Variants in SYT14 observed in about 807,000 individuals in gnomAD.
SYT14 encodes the protein synaptotagmin 14, also known as synaptotagmin-14.
A neutral mutation model predicts 74.2 loss-of-function variants in SYT14; 32 were observed. The observed-to-expected ratio is 0.43, with a 90% CI of 0.33 to 0.58. The LOEUF is 0.58. Among genes scored for constraint, SYT14 ranks in the 20% least tolerant of loss-of-function variants. The pLI is 0.05. For synonymous variants in SYT14, 298 were observed against 337.7 expected, an observed-to-expected ratio of 0.88 and a Z score of 1.29; for missense variants, 791 against 981.8, an observed-to-expected ratio of 0.81 and a Z score of 2.60.
rs188947124 is a variant in SYT14 at position 210,006,998 on chromosome 1, A to G, written c.-485-6635A>G. On this transcript the variant is annotated intron_variant, in intron 2 of 9. Transcript: ENST00000637265. ...TTAAGTGAATTCTGCAATACTTTCA[A>G]AGTCGAAATGTATTTGCTCTTGCTT... is the stretch of plus-strand genomic sequence containing the variant. Among the ~76,000 whole-genome samples, 217 of 152,004 alleles carry G rather than the reference A, an allele frequency of 1.4e-3. 2 individuals carry two copies. The highest frequency in any genetic ancestry group is 5.1e-3 in the African/African-American group (210 of 41,536).
intron 1 of SYT14, among the ~76,000 whole-genome samples, chr1:209,947,105 T>A (rs1558085615): frequency 6.6e-6 from 1 of 152,216 alleles, no homozygotes; most frequent in African/African-American, 2.4e-5. Flanking sequence ...TTACTGCTCA[T>A]TGACAAGGCA....
chr1:210,013,839 C>G (rs375117282), intron 3 of SYT14, 42 bp downstream of exon 3: 1 of 1,586,950 alleles, frequency 6.3e-7, no homozygotes, highest in African/African-American at 1.4e-5. Flanking sequence ...TTCTTTTTAT[C>G]CGTACTATTA....
At chr1:209,965,995 C>CA (rs1310400277) in intron 2 of SYT14, 1 of 451,656 alleles carries the variant, frequency 2.2e-6, no homozygotes, top group African/African-American at 2.0e-5. Context: ...CTCAGCATCC[C>CA]AAGTAACTGG....
intron 1 of SYT14, among the ~76,000 whole-genome samples, chr1:209,943,931 A>G (rs375354705): frequency 1.3e-5 from 2 of 152,080 alleles, no homozygotes; most frequent in East Asian, 1.9e-4. Flanking sequence ...TTGATTTACC[A>G]TTTTTTTAGA....
At chr1:210,055,270 AGT>A (rs921182618) in intron 5 of SYT14, among the ~76,000 whole-genome samples, 2 of 152,216 alleles carry the variant, frequency 1.3e-5, no homozygotes, top group African/African-American at 4.8e-5. Context: ...CTAAAGAGTT[AGT>A]GTGAGGACTA....
intron 7 of SYT14, among the ~76,000 whole-genome samples, chr1:210,106,044 A>G (rs914240711): frequency 6.6e-6 from 1 of 152,212 alleles, no homozygotes; most frequent in Non-Finnish European, 1.5e-5. Context: ...TTTTAACAAC[A>G]TAAGAATGGC....
chr1:209,941,087 A>G (rs1264731393), intron 1 of SYT14, among the ~76,000 whole-genome samples: 3 of 152,166 alleles, frequency 2.0e-5, no homozygotes, highest in African/African-American at 7.2e-5. Flanking sequence ...CTTATTAGCT[A>G]TGGCCCAGTG....
chr1:210,120,784 G>A (rs1465020708), intron 7 of SYT14, among the ~76,000 whole-genome samples: 1 of 152,052 alleles, frequency 6.6e-6, no homozygotes, highest in Non-Finnish European at 1.5e-5. Flanking sequence ...CATATTAGAA[G>A]TACCTTTTTT....
intron 2 of SYT14, among the ~76,000 whole-genome samples, chr1:209,995,200 G>A (rs1011856920): frequency 1.3e-5 from 2 of 152,084 alleles, no homozygotes; most frequent in African/African-American, 4.8e-5. Context: ...AGAGTGGCAA[G>A]GTGGATAAAA....
chr1:210,070,770 G>C (rs940460869), intron 5 of SYT14, among the ~76,000 whole-genome samples: 2 of 152,038 alleles, frequency 1.3e-5, no homozygotes, highest in Non-Finnish European at 2.9e-5. Flanking sequence ...GTGTTTCTTG[G>C]TATAGGGTCG....
exon 10 of SYT14, chr1:210,164,302 C>A: frequency 1.2e-5 from 3 of 241,394 alleles, no homozygotes; most frequent in Non-Finnish European, 1.7e-5. Flanking sequence ...AAAAGAAAAC[C>A]CAATGAGAAA....
chr1:209,971,388 C>G (rs1174647147), intron 2 of SYT14, among the ~76,000 whole-genome samples: 1 of 151,856 alleles, frequency 6.6e-6, no homozygotes, highest in Non-Finnish European at 1.5e-5. Context: ...TTTCTCTTGC[C>G]TGATTGCTCT....
rs554405454 is a variant in SYT14 at position 210,075,072 on chromosome 1, G to A, written c.1313-19250G>A. 4.6e-5 allele frequency among the ~76,000 whole-genome samples: 7 copies of A among 152,322 alleles called. No individual in the cohort carries two copies. In the South Asian group the frequency reaches 1.2e-3, roughly 27 times the overall value. On this transcript the variant is annotated intron_variant, in intron 5 of 9. Transcript: ENST00000637265. ...CAGCAGATGGGATAGCCAGAAGGGA[G>A]ATGGTTTTCCCCTGGAGTCCGACCG...
chr1:210,020,359 T>G (rs774014929), intron 4 of SYT14, among the ~76,000 whole-genome samples: 1 of 152,204 alleles, frequency 6.6e-6, no homozygotes, highest in Admixed American at 6.5e-5. Context: ...ATATCTTTAT[T>G]CATCTGTTAA....
intron 2 of SYT14, among the ~76,000 whole-genome samples, chr1:209,958,872 T>G (rs1002842179): frequency 6.6e-6 from 1 of 152,180 alleles, no homozygotes; most frequent in Non-Finnish European, 1.5e-5. Flanking sequence ...TATAATCCTC[T>G]TCCAACTGCT....
At chr1:210,086,789 C>T (rs1425998418) in intron 5 of SYT14, among the ~76,000 whole-genome samples, 1 of 152,172 alleles carries the variant, frequency 6.6e-6, no homozygotes, top group Non-Finnish European at 1.5e-5. Context: ...CTAATAACTT[C>T]TATCTATGTA....
At chr1:210,050,037 A>G (rs1327910045) in intron 5 of SYT14, among the ~76,000 whole-genome samples, 1 of 152,072 alleles carries the variant, frequency 6.6e-6, no homozygotes. Context: ...GCAAATTTCT[A>G]CAGCTGGTTT....
intron 2 of SYT14, among the ~76,000 whole-genome samples, chr1:209,987,604 A>G (rs1182264816): frequency 6.6e-6 from 1 of 152,214 alleles, no homozygotes; most frequent in Non-Finnish European, 1.5e-5. Flanking sequence ...CTCACCTCCA[A>G]CACTGGTAAT....
chr1:210,099,577 A>G (rs1021062408), intron 6 of SYT14, among the ~76,000 whole-genome samples: 2 of 152,100 alleles, frequency 1.3e-5, no homozygotes, highest in Non-Finnish European at 2.9e-5. Context: ...ACGGAACCAA[A>G]TTTTTCCATA....
Sources: allele counts gnomAD v4.1 joint callset (sites outside exome capture counted in the v4.1 genomes callset), GRCh38; gene constraint gnomAD v4.1.1; transcripts MANE v1.5; gene names NCBI Gene and HGNC (gene_info 2026-07-23, HGNC 2026-07-21).